Variants in DLGAP4 observed in about 807,000 individuals in gnomAD.
DLGAP4 encodes the protein DLG associated protein 4, also known as disks large-associated protein 4.
DLGAP4 carries 18 observed loss-of-function variants against 86.9 expected under a neutral mutation model. The observed-to-expected ratio is 0.21, with a 90% CI of 0.14 to 0.31. DLGAP4 has a LOEUF of 0.31. Ranked by LOEUF, DLGAP4 falls within the 10% of genes least tolerant of loss-of-function variation. The probability of loss-of-function intolerance (pLI) is 1.00; values close to 1 mark genes in which losing one functional copy is unlikely to be tolerated. For missense variants in DLGAP4, 1,085 were observed against 1,362.6 expected, an observed-to-expected ratio of 0.80 and a Z score of 3.21; for synonymous variants, 548 against 574.3, an observed-to-expected ratio of 0.95 and a Z score of 0.65.
At chr20:36,403,248 C>G (rs1298437054) in intron 2 of DLGAP4, among the ~76,000 whole-genome samples, 1 of 152,068 alleles carries the variant, frequency 6.6e-6, no homozygotes, top group East Asian at 1.9e-4. Context: ...TGGTGGAAGG[C>G]ATCACATGGC....
In DLGAP4 at chr20:36,426,081, T is replaced by C. The variant is rs187887457; in HGVS notation, c.-72-5565T>C. Among the ~76,000 whole-genome samples the C allele has an allele frequency of 3.3e-5, 5 of 152,314 alleles. No individual in the cohort carries two copies. The East Asian group carries it at 9.6e-4, about 29-fold the overall frequency. On this transcript the variant is annotated intron_variant, in intron 2 of 12. Coordinates refer to ENST00000339266, the MANE Select transcript of DLGAP4 (RefSeq NM_001365621.2). ...TAAAACGGAATGAAGTTCTGACCCA[T>C]GCTACAACATGGGTGAACTTAGAAA...
chr20:36,490,650 G>C (rs1393376824), intron 7 of DLGAP4, among the ~76,000 whole-genome samples: 1 of 152,202 alleles, frequency 6.6e-6, no homozygotes, highest in African/African-American at 2.4e-5. Context: ...CAGGTTGTCT[G>C]TGGCCCCAGG....
intron 2 of DLGAP4, among the ~76,000 whole-genome samples, chr20:36,415,903 T>C (rs1160943555): frequency 6.6e-6 from 1 of 152,068 alleles, no homozygotes; most frequent in Non-Finnish European, 1.5e-5. Flanking sequence ...CACCCTCTCA[T>C]CCCCTCAACT....
At chr20:36,510,201 C>G (rs1322081346) in intron 10 of DLGAP4, among the ~76,000 whole-genome samples, 1 of 152,030 alleles carries the variant, frequency 6.6e-6, no homozygotes, top group East Asian at 1.9e-4. Flanking sequence ...GGGTATGTTT[C>G]TGGGCTCTGT....
At chr20:36,348,018 C>A in intron 1 of DLGAP4, among the ~76,000 whole-genome samples, 1 of 152,098 alleles carries the variant, frequency 6.6e-6, no homozygotes, top group East Asian at 1.9e-4. Flanking sequence ...CCAGCTCCAC[C>A]CATCTTATCC....
chr20:36,501,170 A>G (rs940314740), intron 10 of DLGAP4, among the ~76,000 whole-genome samples: 11 of 151,712 alleles, frequency 7.3e-5, no homozygotes, highest in Admixed American at 6.6e-4. Context: ...AGTTCAAGCA[A>G]TTCTCCTGCC....
intron 7 of DLGAP4, among the ~76,000 whole-genome samples, chr20:36,486,161 T>C (rs567264889): frequency 6.6e-6 from 1 of 152,322 alleles, no homozygotes; most frequent in South Asian, 2.1e-4. Flanking sequence ...CAACCATGTA[T>C]TGAGCCTGGT....
At chr20:36,525,143 G>A (rs1435722897) in intron 11 of DLGAP4, among the ~76,000 whole-genome samples, 3 of 140,692 alleles carry the variant, frequency 2.1e-5, no homozygotes, top group Non-Finnish European at 3.0e-5. Flanking sequence ...GTGTGAACCC[G>A]GGAGGTGGAA....
chr20:36,526,712 T>C, intron 12 of DLGAP4, 101 bp from the exon 13 acceptor site: 1 of 1,114,522 alleles, frequency 9.0e-7, no homozygotes, highest in East Asian at 2.6e-5. Context: ...GCGGGGAGGC[T>C]GGGGTGGAGA....
In DLGAP4 at chr20:36,452,864, C is replaced by T. The variant is rs553339149; in HGVS notation, c.1648+5927C>T. Among the ~76,000 whole-genome samples, 13 of 139,426 alleles carry T rather than the reference C, an allele frequency of 9.3e-5. No individual in the cohort carries two copies. The South Asian group carries it at 3.0e-3, about 33-fold the overall frequency. 91.5% of individuals were successfully genotyped at this position (139,426 alleles called of 152,430 possible). On this transcript the variant is annotated intron_variant, in intron 7 of 12. Coordinates refer to ENST00000339266, the MANE Select transcript of DLGAP4 (RefSeq NM_001365621.2). ...TTTTTTTTTTTTGAGACAGAGTCTC[C>T]CTCTATCACTCAGGCTGGAGTGCAA...
At chr20:36,349,255 A>G (rs994129631) in intron 1 of DLGAP4, among the ~76,000 whole-genome samples, 2 of 151,444 alleles carry the variant, frequency 1.3e-5, no homozygotes, top group Admixed American at 1.3e-4. Flanking sequence ...TGTCTCTACT[A>G]AAAATAGAAA....
intron 6 of DLGAP4, among the ~76,000 whole-genome samples, chr20:36,445,733 T>A (rs1446589456): frequency 6.6e-6 from 1 of 152,154 alleles, no homozygotes; most frequent in Non-Finnish European, 1.5e-5. Context: ...ACATGGTCAG[T>A]CAGCTTGTGC....
intron 2 of DLGAP4, among the ~76,000 whole-genome samples, chr20:36,421,389 C>G (rs1377946232): frequency 6.7e-6 from 1 of 148,856 alleles, no homozygotes; most frequent in East Asian, 2.0e-4. Context: ...ACCTGGGAAG[C>G]AGAGGTTGCA....
chr20:36,364,417 A>G (rs1255299541), intron 1 of DLGAP4, among the ~76,000 whole-genome samples: 1 of 152,218 alleles, frequency 6.6e-6, no homozygotes, highest in Non-Finnish European at 1.5e-5. Context: ...TAATTCACAT[A>G]CCATACAACT....
At chr20:36,349,365 C>A (rs1245475539) in intron 1 of DLGAP4, among the ~76,000 whole-genome samples, 3 of 151,142 alleles carry the variant, frequency 2.0e-5, no homozygotes, top group Non-Finnish European at 4.4e-5. Context: ...TTGCAGTGAG[C>A]CGAGATCACG....
chr20:36,487,635 T>C (rs1304236376), intron 7 of DLGAP4, among the ~76,000 whole-genome samples: 1 of 152,054 alleles, frequency 6.6e-6, no homozygotes, highest in Non-Finnish European at 1.5e-5. Flanking sequence ...TCACAGAGGG[T>C]CCCTTCACCA....
Position 36,442,763 on chromosome 20 carries a change from G to T in DLGAP4, c.1393G>T (p.Gly465Cys). The stretch of plus-strand genomic sequence containing the variant: ...GGCCTCCCTGATCCCCCAGTTGTTT[G>T]GCCATGAGCAGCAGGTCAGTATGTT... ...GQASLIPQLFGHEQQVREAEL... is the reference protein window; with the variant it reads ...GQASLIPQLFCHEQQVREAEL... The change falls in exon 6 of 13, where the codon GGC becomes TGC. Residue 465 changes from glycine to cysteine, a missense_variant. Transcript: ENST00000339266. The T allele has an allele frequency of 6.2e-7, 1 of 1,614,116 alleles. No individual in the cohort carries two copies. The highest frequency in any genetic ancestry group is 8.5e-7 in the Non-Finnish European group (1 of 1,180,012).
At position 36,527,149 on chromosome 20, in the gene DLGAP4, A is replaced by G. The variant is rs568633161; in HGVS notation, c.*118A>G. The G allele has an allele frequency of 4.4e-6, 5 of 1,133,788 alleles. No individual in the cohort carries two copies. The highest frequency in any genetic ancestry group is 6.0e-6 in the Non-Finnish European group (5 of 831,634). The allele number at this position is 1,133,788 out of a possible 1,614,324, so 70.2% of individuals were successfully genotyped here. On this transcript the variant is annotated 3_prime_UTR_variant, in exon 13 of 13. Coordinates refer to ENST00000339266, the MANE Select transcript of DLGAP4 (RefSeq NM_001365621.2). Reference sequence around the variant, plus strand: ...TATTCTGTCTAGAGACCCTGAGCCAACTTTCAAATTGACGCATACAAGGGC... The same window carrying G: ...TATTCTGTCTAGAGACCCTGAGCCAGCTTTCAAATTGACGCATACAAGGGC...
intron 10 of DLGAP4, among the ~76,000 whole-genome samples, chr20:36,504,956 C>T (rs2036295926): frequency 6.6e-6 from 1 of 150,518 alleles, no homozygotes; most frequent in Non-Finnish European, 1.5e-5. Flanking sequence ...TGTCTTTTCA[C>T]TTTCTTCCTG....
Sources: allele counts gnomAD v4.1 joint callset (sites outside exome capture counted in the v4.1 genomes callset), GRCh38; gene constraint gnomAD v4.1.1; transcripts MANE v1.5; gene names NCBI Gene and HGNC (gene_info 2026-07-23, HGNC 2026-07-21).